KCND2: variants seen among roughly 807,000 people sequenced by gnomAD.
The protein encoded by KCND2 is A-type voltage-gated potassium channel KCND2.
KCND2 carries 16 observed loss-of-function variants against 54.4 expected under a neutral mutation model. The ratio of observed to expected loss-of-function variants is 0.29; its 90% CI spans 0.20 to 0.45. The LOEUF (loss-of-function observed/expected upper bound fraction) is 0.45, where lower values mean the gene tolerates loss of function less well. Among genes scored for constraint, KCND2 ranks in the 20% least tolerant of loss-of-function variants. KCND2 has a pLI of 1.00. For synonymous variants in KCND2, 317 were observed against 310.7 expected (o/e 1.02, Z -0.21); for missense variants, 486 against 824.2 (o/e 0.59, Z 5.02).
At chr7:120,397,995 GTATATATA>G (rs200944488) in intron 1 of KCND2, among the ~76,000 whole-genome samples, 14,266 of 92,686 alleles carry the variant, frequency 0.15, 1,100 homozygotes, top group South Asian at 0.24. Flanking sequence ...GTGTGTGTGT[GTATATATA>G]TATATATATA....
At chr7:120,434,070 G>A (rs766701358) in intron 1 of KCND2, among the ~76,000 whole-genome samples, 3 of 152,110 alleles carry the variant, frequency 2.0e-5, no homozygotes, top group Non-Finnish European at 4.4e-5. Flanking sequence ...GGAAATCATA[G>A]TCAGAAAATA....
chr7:120,406,874 A>G (rs1801368601), intron 1 of KCND2, among the ~76,000 whole-genome samples: 1 of 152,012 alleles, frequency 6.6e-6, no homozygotes, highest in East Asian at 1.9e-4. Flanking sequence ...AAATTAGCTT[A>G]GAGTCAGGAT....
intron 1 of KCND2, among the ~76,000 whole-genome samples, chr7:120,610,780 A>G (rs970711647): frequency 6.6e-5 from 10 of 152,310 alleles, no homozygotes; most frequent in Admixed American, 2.0e-4. Flanking sequence ...CTTTTTAAAA[A>G]GTGCATACCT....
At chr7:120,334,274 A>G (rs1800112273) in intron 1 of KCND2, among the ~76,000 whole-genome samples, 2 of 152,212 alleles carry the variant, frequency 1.3e-5, no homozygotes, top group South Asian at 4.1e-4. Context: ...GCCATTTCGA[A>G]GAGTGATTTT....
At chr7:120,652,772 T>C (rs764118810) in intron 1 of KCND2, among the ~76,000 whole-genome samples, 2 of 152,192 alleles carry the variant, frequency 1.3e-5, no homozygotes, top group Non-Finnish European at 2.9e-5. Flanking sequence ...CCAATGCTAA[T>C]TTTAGCTCTT....
At chr7:120,479,251 GA>G (rs1802569509) in intron 1 of KCND2, among the ~76,000 whole-genome samples, 1 of 151,640 alleles carries the variant, frequency 6.6e-6, no homozygotes, top group Non-Finnish European at 1.5e-5. Flanking sequence ...TTGTTTTTAA[GA>G]AAAAAATATA....
At chr7:120,422,996 T>C (rs992347256) in intron 1 of KCND2, among the ~76,000 whole-genome samples, 5 of 152,218 alleles carry the variant, frequency 3.3e-5, no homozygotes, top group African/African-American at 1.2e-4. Flanking sequence ...GAACTGCTGC[T>C]ATATAGTGTC....
intron 1 of KCND2, among the ~76,000 whole-genome samples, chr7:120,336,869 CT>C (rs993559562): frequency 3.4e-4 from 52 of 152,204 alleles, no homozygotes; most frequent in African/African-American, 1.2e-3. Flanking sequence ...CTCTTGAACC[CT>C]AAAACACTAA....
chr7:120,624,766 C>T (rs1793144163), intron 1 of KCND2, among the ~76,000 whole-genome samples: 1 of 146,478 alleles, frequency 6.8e-6, no homozygotes, highest in South Asian at 2.1e-4. Flanking sequence ...GAGTGATAAA[C>T]TGAGACCCTG....
chr7:120,636,240 G>A (rs974759286), intron 1 of KCND2, among the ~76,000 whole-genome samples: 1 of 152,096 alleles, frequency 6.6e-6, no homozygotes, highest in Non-Finnish European at 1.5e-5. Context: ...AGTTTGTGGG[G>A]TGGGTATCAG....
chr7:120,720,220 G>A (rs906117738), intron 1 of KCND2, among the ~76,000 whole-genome samples: 2 of 152,088 alleles, frequency 1.3e-5, no homozygotes, highest in Non-Finnish European at 1.5e-5. Context: ...AAAACACAGA[G>A]TGACATGACA....
At chr7:120,296,266 A>G (rs1799512678) in intron 1 of KCND2, among the ~76,000 whole-genome samples, 1 of 152,070 alleles carries the variant, frequency 6.6e-6, no homozygotes, top group Non-Finnish European at 1.5e-5. Flanking sequence ...TATGTTTTAC[A>G]TATCATGCTT....
intron 1 of KCND2, among the ~76,000 whole-genome samples, chr7:120,499,573 A>G (rs1384299516): frequency 1.3e-5 from 2 of 152,280 alleles, no homozygotes; most frequent in East Asian, 3.9e-4. Context: ...TATAGGTAGC[A>G]TGGAACTTTT....
chr7:120,438,377 A>G (rs1801899833), intron 1 of KCND2, among the ~76,000 whole-genome samples: 1 of 152,210 alleles, frequency 6.6e-6, no homozygotes, highest in African/African-American at 2.4e-5. Context: ...CCTGATAATA[A>G]TGTGTTCACT....
intron 1 of KCND2, among the ~76,000 whole-genome samples, chr7:120,708,264 A>G (rs1335793852): frequency 1.3e-5 from 2 of 152,148 alleles, no homozygotes; most frequent in Non-Finnish European, 2.9e-5. Flanking sequence ...ATCAGGTGAC[A>G]AGTATACTCA....
Position 120,560,818 on chromosome 7 carries a change from A to C in KCND2, c.1116-172085A>C, listed in dbSNP as rs117962994. 5.9e-3 allele frequency among the ~76,000 whole-genome samples: 900 copies of C among 152,304 alleles called. 3 individuals carry two copies. Among genetic ancestry groups the C allele is most frequent in the Admixed American group, 0.01 (153 of 15,298 alleles). ...TTGCTCAAATTTATTGGAATCATAAATGTTAAAAGATTATCGAGACAATTC... is the reference window on the plus strand; with the variant it reads ...TTGCTCAAATTTATTGGAATCATAACTGTTAAAAGATTATCGAGACAATTC... On this transcript the variant is annotated intron_variant, in intron 1 of 5. Transcript: ENST00000331113.
intron 1 of KCND2, among the ~76,000 whole-genome samples, chr7:120,501,488 G>A (rs138163504): frequency 1.3e-5 from 2 of 152,212 alleles, no homozygotes; most frequent in African/African-American, 4.8e-5. Flanking sequence ...CAATGCAATG[G>A]CAACAAGCAG....
chr7:120,366,028 C>T (rs1293308404), intron 1 of KCND2, among the ~76,000 whole-genome samples: 3 of 152,038 alleles, frequency 2.0e-5, no homozygotes, highest in Non-Finnish European at 4.4e-5. Context: ...CAATTTTAGA[C>T]AATTGTTAAT....
chr7:120,603,022 G>A (rs1385933733), intron 1 of KCND2, among the ~76,000 whole-genome samples: 1 of 152,158 alleles, frequency 6.6e-6, no homozygotes, highest in Non-Finnish European at 1.5e-5. Context: ...AAAATATTAT[G>A]TAGCCAACTT....
Sources: allele counts gnomAD v4.1 joint callset (sites outside exome capture counted in the v4.1 genomes callset), GRCh38; gene constraint gnomAD v4.1.1; transcripts MANE v1.5; gene names NCBI Gene and HGNC (gene_info 2026-07-23, HGNC 2026-07-21).